Variants in MKLN1 observed in about 807,000 individuals in gnomAD.
The protein encoded by MKLN1 is muskelin 1.
Under a neutral mutation model 99.0 loss-of-function variants are expected in MKLN1, and 18 were observed. The observed-to-expected ratio is 0.18, with a 90% CI of 0.13 to 0.27. The LOEUF (loss-of-function observed/expected upper bound fraction) is 0.27, where lower values mean the gene tolerates loss of function less well. Among genes scored for constraint, MKLN1 ranks in the 10% least tolerant of loss-of-function variants. The pLI is 1.00. For synonymous variants in MKLN1, 288 were observed against 293.2 expected, an observed-to-expected ratio of 0.98 and a Z score of 0.18; for missense variants, 621 against 875.9, an observed-to-expected ratio of 0.71 and a Z score of 3.67.
intron 16 of MKLN1, among the ~76,000 whole-genome samples, chr7:131,471,424 T>C (rs567253394): frequency 6.6e-6 from 1 of 152,244 alleles, no homozygotes; most frequent in South Asian, 2.1e-4. Flanking sequence ...TGTAGCAGTA[T>C]TGTTTGTCTA....
intron 2 of MKLN1, among the ~76,000 whole-genome samples, chr7:131,150,047 G>A (rs1432778009): frequency 2.6e-5 from 4 of 152,056 alleles, no homozygotes; most frequent in Non-Finnish European, 5.9e-5. Flanking sequence ...CACCTCAGCT[G>A]GCCCCGTCTT....
rs576514320 is a variant in MKLN1, at chr7:131,428,056, AGCTACTCGAGAG to A, written c.848-973_848-962del. On this transcript the variant is annotated intron_variant, in intron 8 of 17. Transcript: ENST00000352689. ...CATGGTGGCACATTATTGTAGTCCC[AGCTACTCGAGAG>A]GCTGGGGTGGAGGGATTGCTTGAAC... Among the ~76,000 whole-genome samples, 473 of 152,168 alleles carry A rather than the reference AGCTACTCGAGAG, an allele frequency of 3.1e-3. 1 individual carries two copies. Among genetic ancestry groups the A allele is most frequent in the African/African-American group, 0.011 (451 of 41,490 alleles).
intron 3 of MKLN1, among the ~76,000 whole-genome samples, chr7:131,248,823 C>T (rs1485994894): frequency 6.6e-6 from 1 of 152,184 alleles, no homozygotes. Flanking sequence ...TGGGCACCTG[C>T]CTCTGCTGAG....
intron 3 of MKLN1, among the ~76,000 whole-genome samples, chr7:131,216,749 G>C (rs757391315): frequency 2.0e-5 from 3 of 152,150 alleles, no homozygotes; most frequent in Admixed American, 1.3e-4. Context: ...TGGGTAATGG[G>C]AATGGAGATA....
chr7:131,175,269 G>A, intron 2 of MKLN1, among the ~76,000 whole-genome samples: 1 of 50,926 alleles, frequency 2.0e-5, no homozygotes, highest in African/African-American at 9.1e-5. Flanking sequence ...GATAGATAGA[G>A]TAGGTGGAAG....
At chr7:131,235,429 G>C (rs939187568) in intron 3 of MKLN1, among the ~76,000 whole-genome samples, 1 of 152,016 alleles carries the variant, frequency 6.6e-6, no homozygotes, top group Non-Finnish European at 1.5e-5. Context: ...TCTGATGATT[G>C]TTAGTCCACT....
intron 2 of MKLN1, among the ~76,000 whole-genome samples, chr7:131,161,963 GTATATA>G (rs71168374): frequency 0.083 from 9,055 of 108,780 alleles, 335 homozygotes; most frequent in African/African-American, 0.095. Flanking sequence ...GTGTGTGTGT[GTATATA>G]TATATATATA....
chr7:131,213,109 C>A (rs753490894), intron 3 of MKLN1, among the ~76,000 whole-genome samples: 2 of 151,952 alleles, frequency 1.3e-5, no homozygotes, highest in Non-Finnish European at 2.9e-5. Context: ...AGTTGCAATA[C>A]GTGATTCCCA....
intron 10 of MKLN1, among the ~76,000 whole-genome samples, chr7:131,442,955 CT>C (rs1185913029): frequency 6.6e-6 from 1 of 152,178 alleles, no homozygotes; most frequent in African/African-American, 2.4e-5. Flanking sequence ...AGTCTGGAGA[CT>C]TGATTGTTGT....
At chr7:131,297,275 C>T (rs568406393) in intron 3 of MKLN1, among the ~76,000 whole-genome samples, 8 of 152,036 alleles carry the variant, frequency 5.3e-5, no homozygotes, top group South Asian at 2.1e-4. Context: ...GCAGGAGAAT[C>T]GCTTGAACCC....
chr7:131,385,067 A>G (rs1793968903), intron 2 of MKLN1, among the ~76,000 whole-genome samples: 1 of 152,202 alleles, frequency 6.6e-6, no homozygotes, highest in African/African-American at 2.4e-5. Context: ...GTTTTTGACA[A>G]CCACTAATCT....
chr7:131,432,943 C>T (rs1020724870), intron 9 of MKLN1, among the ~76,000 whole-genome samples: 3 of 152,058 alleles, frequency 2.0e-5, no homozygotes, highest in African/African-American at 7.2e-5. Context: ...TAACTTTGAC[C>T]TTATAGACTC....
intron 17 of MKLN1, among the ~76,000 whole-genome samples, chr7:131,486,696 G>A (rs1024313986): frequency 6.6e-6 from 1 of 152,038 alleles, no homozygotes; most frequent in African/African-American, 2.4e-5. Flanking sequence ...GCTATTTCAG[G>A]GATAGGGGAA....
chr7:131,128,366 T>C (rs1795496257), intron 1 of MKLN1, among the ~76,000 whole-genome samples: 1 of 152,146 alleles, frequency 6.6e-6, no homozygotes, highest in South Asian at 2.1e-4. Context: ...TTTTTTGACC[T>C]TGGAGTGGTA....
chr7:131,339,441 G>A (rs191382845), intron 1 of MKLN1, among the ~76,000 whole-genome samples: 7 of 152,016 alleles, frequency 4.6e-5, no homozygotes, highest in African/African-American at 7.2e-5. Flanking sequence ...GCACTGGCTC[G>A]TGCCTGTAAT....
chr7:131,314,467 G>C (rs1487924453), intron 3 of MKLN1, among the ~76,000 whole-genome samples: 1 of 152,180 alleles, frequency 6.6e-6, no homozygotes, highest in Non-Finnish European at 1.5e-5. Flanking sequence ...CTGTCACCCA[G>C]GCTGGAATGC....
At chr7:131,114,349 G>A (rs920711703) in intron 1 of MKLN1, among the ~76,000 whole-genome samples, 2 of 152,150 alleles carry the variant, frequency 1.3e-5, no homozygotes, top group South Asian at 4.1e-4. Flanking sequence ...GAATATCAAA[G>A]TGAAGCTGTC....
chr7:131,473,498 T>C (rs547087873), intron 16 of MKLN1, among the ~76,000 whole-genome samples: 1 of 152,250 alleles, frequency 6.6e-6, no homozygotes, highest in Non-Finnish European at 1.5e-5. Flanking sequence ...TCTGAATTGG[T>C]GATGAACTTA....
At chr7:131,421,212 A>G (rs539303052) in intron 8 of MKLN1, among the ~76,000 whole-genome samples, 1 of 152,214 alleles carries the variant, frequency 6.6e-6, no homozygotes, top group Admixed American at 6.5e-5. Context: ...TCTCTCCAAA[A>G]TTTCTTCTGT....
Sources: allele counts gnomAD v4.1 joint callset (sites outside exome capture counted in the v4.1 genomes callset), GRCh38; gene constraint gnomAD v4.1.1; transcripts MANE v1.5; gene names NCBI Gene and HGNC (gene_info 2026-07-23, HGNC 2026-07-21).